ALX4: variants seen among roughly 807,000 people sequenced by gnomAD.
The protein encoded by ALX4 is homeobox protein aristaless-like 4.
In ALX4, 22 loss-of-function variants were observed where a neutral mutation model predicts 40.6. That is an observed-to-expected ratio of 0.54 (90% CI 0.39 to 0.77). The LOEUF (loss-of-function observed/expected upper bound fraction) is 0.77, where lower values mean the gene tolerates loss of function less well. Ranked by LOEUF, ALX4 falls within the 30% of genes least tolerant of loss-of-function variation. ALX4 has a pLI of 0.00. For synonymous variants in ALX4, 266 were observed against 240.5 expected, an observed-to-expected ratio of 1.11 and a Z score of -0.98; for missense variants, 556 against 564.8, an observed-to-expected ratio of 0.98 and a Z score of 0.16.
intron 1 of ALX4, among the ~76,000 whole-genome samples, chr11:44,309,260 C>A (rs1004715601): frequency 5.3e-5 from 8 of 151,186 alleles, no homozygotes; most frequent in Admixed American, 1.3e-4. Flanking sequence ...GACTCCTTGC[C>A]GCCGCACGCC....
intron 1 of ALX4, among the ~76,000 whole-genome samples, chr11:44,276,921 C>T (rs1038244903): frequency 5.3e-5 from 8 of 152,144 alleles, no homozygotes; most frequent in African/African-American, 1.4e-4. Context: ...CTCCTGTGTG[C>T]GGCCCGGTTA....
rs1564997312 is a variant in ALX4, at chr11:44,263,973, C to A, written c.*881G>T. On this transcript the variant is annotated 3_prime_UTR_variant, in exon 4 of 4. Transcript: ENST00000652299. Reference sequence around the variant, plus strand: ...CCTCCCCGCTGTACCAGATGCCAGGCAGGCCGGAGAGCGGGAGGACTGCCC... The same window carrying A: ...CCTCCCCGCTGTACCAGATGCCAGGAAGGCCGGAGAGCGGGAGGACTGCCC... The A allele has an allele frequency of 1.3e-5, 2 of 152,490 alleles. No individual in the cohort carries two copies. The highest frequency in any genetic ancestry group is 4.8e-5 in the African/African-American group (2 of 41,474). The allele number at this position is 152,490 out of a possible 1,614,324, so 9.4% of individuals were successfully genotyped here.
chr11:44,273,133 A>T (rs917782502), intron 2 of ALX4, among the ~76,000 whole-genome samples: 1 of 150,462 alleles, frequency 6.6e-6, no homozygotes, highest in Non-Finnish European at 1.5e-5. Context: ...GGGTTGGGGC[A>T]TCTCTGTCCT....
chr11:44,277,422 A>T (rs1329497001), intron 1 of ALX4, among the ~76,000 whole-genome samples: 2 of 152,326 alleles, frequency 1.3e-5, no homozygotes, highest in Non-Finnish European at 2.9e-5. Context: ...GAACTTGTTG[A>T]GTGAAAGAAC....
chr11:44,309,352 C>T (rs551217900), intron 1 of ALX4, among the ~76,000 whole-genome samples: 12 of 152,348 alleles, frequency 7.9e-5, no homozygotes, highest in African/African-American at 2.9e-4. Context: ...GCCGAAGGGA[C>T]CGGGAAAAAC....
At position 44,309,826 on chromosome 11, in the gene ALX4, A is replaced by T. The variant is rs1489132797; in HGVS notation, c.237T>A (p.Ser79Arg). ...GQQDLATPLE[S>R]GAGARGSFNK... ...TAAAGGAGCCCCGCGCCCCAGCTCC[A>T]CTCTCCAGGGGTGTCGCCAGGTCCT... Residue 79 changes from serine (S) to arginine (R), a missense_variant, in exon 1 of 4, where the codon AGT (serine) becomes AGA (arginine). Coordinates refer to ENST00000652299, the MANE Select transcript of ALX4 (RefSeq NM_021926.4). 3.9e-6 allele frequency: 6 copies of T among 1,553,892 alleles called. No homozygotes were observed. Among genetic ancestry groups the T allele is most frequent in the Non-Finnish European group, 3.5e-6 (4 of 1,148,486 alleles).
intron 2 of ALX4, among the ~76,000 whole-genome samples, chr11:44,271,314 G>T (rs59444875): frequency 6.6e-6 from 1 of 152,220 alleles, no homozygotes; most frequent in African/African-American, 2.4e-5. Flanking sequence ...ACTAGGCTGC[G>T]ACTCAGGAGT....
intron 1 of ALX4, among the ~76,000 whole-genome samples, chr11:44,301,238 C>A (rs909481987): frequency 6.6e-6 from 1 of 152,184 alleles, no homozygotes; most frequent in African/African-American, 2.4e-5. Flanking sequence ...TTGAGTGAGA[C>A]CCCCCAACAT....
At chr11:44,301,684 G>T (rs1956435470) in intron 1 of ALX4, among the ~76,000 whole-genome samples, 1 of 152,218 alleles carries the variant, frequency 6.6e-6, no homozygotes, top group African/African-American at 2.4e-5. Flanking sequence ...GAGTGGATTG[G>T]ATTCCCCAAC....
intron 1 of ALX4, 101 bp from the exon 2 acceptor site, chr11:44,275,759 C>T: frequency 8.7e-7 from 1 of 1,149,148 alleles, no homozygotes. Flanking sequence ...CACCCCCTGC[C>T]TTTTTCCTCT....
intron 1 of ALX4, among the ~76,000 whole-genome samples, chr11:44,295,489 T>C (rs913456205): frequency 6.6e-6 from 1 of 152,188 alleles, no homozygotes. Flanking sequence ...GCCGGGGAAG[T>C]TCCTAGGAAG....
intron 1 of ALX4, among the ~76,000 whole-genome samples, chr11:44,298,737 T>G (rs1490454494): frequency 1.3e-5 from 2 of 151,556 alleles, no homozygotes; most frequent in Non-Finnish European, 2.9e-5. Context: ...GACCAAGACT[T>G]GTGCTAAATA....
intron 2 of ALX4, among the ~76,000 whole-genome samples, chr11:44,269,487 C>G (rs774187201): frequency 6.6e-6 from 1 of 152,248 alleles, no homozygotes; most frequent in Non-Finnish European, 1.5e-5. Context: ...AACTCACTTT[C>G]CCCTCCCTAA....
Position 44,296,157 on chromosome 11 carries a change from A to T in ALX4, c.466+13440T>A, listed in dbSNP as rs150912820. ...GAATAGAGACCAGATGTAAACTCTC[A>T]AATACATGCGCAATTGATTTTCAAC... is the stretch of plus-strand genomic sequence containing the variant. On this transcript the variant is annotated intron_variant, in intron 1 of 3. Coordinates refer to ENST00000652299, the MANE Select transcript of ALX4 (RefSeq NM_021926.4). Among the ~76,000 whole-genome samples, 215 of 152,334 alleles carry T rather than the reference A, an allele frequency of 1.4e-3. 1 individual carries two copies. Among genetic ancestry groups the T allele is most frequent in the African/African-American group, 4.8e-3 (201 of 41,588 alleles).
At chr11:44,284,219 G>T (rs556364993) in intron 1 of ALX4, among the ~76,000 whole-genome samples, 52 of 151,580 alleles carry the variant, frequency 3.4e-4, no homozygotes, top group African/African-American at 1.2e-3. Context: ...TCTTTTTTTG[G>T]GGGGCGGGGC....
At chr11:44,284,903 T>TCACACACATACACATACA in intron 1 of ALX4, among the ~76,000 whole-genome samples, 2 of 151,876 alleles carry the variant, frequency 1.3e-5, no homozygotes, top group South Asian at 4.2e-4. Context: ...AGAAAATCAC[T>TCACACACATACACATACA]CACACACATA....
At chr11:44,265,243 C>T (rs563686757) in intron 3 of ALX4, 60 bp from the exon 4 acceptor site, 37 of 1,429,950 alleles carry the variant, frequency 2.6e-5, no homozygotes, top group Admixed American at 9.0e-5. Context: ...GGAAGGGGCT[C>T]GCCCCTTCCC....
intron 1 of ALX4, among the ~76,000 whole-genome samples, chr11:44,293,160 GAAGGAAGGAAGC>G (rs200484833): frequency 0.03 from 1,309 of 43,284 alleles, 176 homozygotes; most frequent in African/African-American, 0.06. Flanking sequence ...AGGAAGGAAG[GAAGGAAGGAAGC>G]AGGCAGGCAG....
chr11:44,284,918 T>C (rs572668163), intron 1 of ALX4, among the ~76,000 whole-genome samples: 5 of 150,714 alleles, frequency 3.3e-5, no homozygotes, highest in African/African-American at 1.2e-4. Context: ...CACATACACA[T>C]ACACACACAC....
Sources: allele counts gnomAD v4.1 joint callset (sites outside exome capture counted in the v4.1 genomes callset), GRCh38; gene constraint gnomAD v4.1.1; transcripts MANE v1.5; gene names NCBI Gene and HGNC (gene_info 2026-07-23, HGNC 2026-07-21).